SYTL3: variants seen among roughly 807,000 people sequenced by gnomAD.
The protein encoded by SYTL3 is synaptotagmin-like protein 3.
A neutral mutation model predicts 82.1 loss-of-function variants in SYTL3; 88 were observed. The observed-to-expected ratio is 1.07, with a 90% CI of 0.90 to 1.28. The LOEUF (loss-of-function observed/expected upper bound fraction) is 1.28. SYTL3 is among the 50% of genes most tolerant of loss of function. SYTL3 has a pLI of 0.00. For missense variants in SYTL3, 831 were observed against 757.6 expected, an observed-to-expected ratio of 1.10 and a Z score of -1.14; for synonymous variants, 311 against 289.4, an observed-to-expected ratio of 1.07 and a Z score of -0.76.
At chr6:158,655,278 C>G (rs1179550254) in intron 2 of SYTL3, among the ~76,000 whole-genome samples, 2 of 152,180 alleles carry the variant, frequency 1.3e-5, no homozygotes, top group Non-Finnish European at 2.9e-5. Flanking sequence ...GCCCCCTGCC[C>G]GTCCTTACTT....
chr6:158,760,691 C>T lies in SYTL3; in HGVS notation c.1360C>T (p.Arg454Trp), dbSNP rs140769430. The T allele has an allele frequency of 7.2e-4, 1,165 of 1,614,082 alleles. 8 individuals are homozygous for T. The highest frequency in any genetic ancestry group is 7.1e-3 in the Middle Eastern group (43 of 6,058). The change falls in exon 15 of 18, where the codon CGG becomes TGG. Residue 454 changes from arginine to tryptophan, a missense_variant. Transcript: ENST00000611299. ...VPQSNGELTV[R>W]AKLVLPSRPR... ...TCAGAGTAATGGAGAGCTCACAGTC[C>T]GGGCTAAGCTGGTTCTCCCTTCACG...
chr6:158,751,956 A>G lies in SYTL3; in HGVS notation c.1063A>G (p.Arg355Gly). 6.2e-7 allele frequency: 1 copy of G among 1,602,206 alleles called. No individual in the cohort carries two copies. The highest frequency in any genetic ancestry group is 8.5e-7 in the Non-Finnish European group (1 of 1,174,772). The change falls in exon 13 of 18, where the codon AGA (arginine) becomes GGA (glycine). Residue 355 changes from arginine (R) to glycine (G), a missense_variant. By Grantham distance (125) the Arg-to-Gly change is moderately radical (BLOSUM62 -2). Transcript: ENST00000611299. ...PYVKTYLLPD[R>G]SSQGKRKTGV... Reference sequence around the variant, plus strand: ...TGTGAAGACCTACCTGTTGCCCGACAGATCCTCCCAGGGAAAGCGCAAGAC... The same window carrying G: ...TGTGAAGACCTACCTGTTGCCCGACGGATCCTCCCAGGGAAAGCGCAAGAC...
In SYTL3 at chr6:158,665,433, G is replaced by C. The variant is rs541039427; in HGVS notation, c.149G>C (p.Gly50Ala). 3.1e-5 allele frequency: 50 copies of C among 1,607,082 alleles called. 1 individual carries two copies. The South Asian group carries it at 5.4e-4, about 17-fold the overall frequency. Residue 50 changes from glycine to alanine, a missense_variant, in exon 5 of 18, where the codon GGA (glycine) becomes GCA (alanine). Gly to Ala is a moderately conservative substitution (Grantham distance 60, BLOSUM62 0). Coordinates refer to ENST00000611299, the MANE Select transcript of SYTL3 (RefSeq NM_001242394.2). ...CACCTGCAGCATCTCCGGTGGAAAG[G>C]AGCGAAGAACACGGACTGGGAGCAC... Reference protein sequence around the residue: ...KTHLQHLRWKGAKNTDWEHKE... With the variant: ...KTHLQHLRWKAAKNTDWEHKE...
intron 9 of SYTL3, among the ~76,000 whole-genome samples, chr6:158,716,217 A>G (rs2128467292): frequency 6.6e-6 from 1 of 152,334 alleles, no homozygotes; most frequent in Middle Eastern, 3.4e-3. Flanking sequence ...CTTGCCCAGA[A>G]GCAATCTGCA....
At chr6:158,704,683 G>A (rs1290279742) in intron 6 of SYTL3, among the ~76,000 whole-genome samples, 1 of 152,282 alleles carries the variant, frequency 6.6e-6, no homozygotes, top group African/African-American at 2.4e-5. Context: ...ACGTGGGCCT[G>A]GACTTCAGAC....
chr6:158,713,970 T>A, intron 9 of SYTL3, 92 bp downstream of exon 9: 3 of 881,082 alleles, frequency 3.4e-6, no homozygotes, highest in Non-Finnish European at 5.5e-6. Context: ...CGGTTGACAC[T>A]GTCCCTCAGG....
intron 11 of SYTL3, among the ~76,000 whole-genome samples, chr6:158,743,598 CTTT>C (rs397887964): frequency 4.8e-5 from 3 of 63,078 alleles, no homozygotes; most frequent in African/African-American, 7.4e-5. Context: ...CCAGTCCAAG[CTTT>C]TTTTTTTTTT....
Position 158,689,293 on chromosome 6 carries a change from T to C in SYTL3, c.394+6304T>C, listed in dbSNP as rs555797348. ...AAAAATAAACCAACATGCAAACCAA[T>C]AGATAACTTTATCAGTTTGGCAAAA... On this transcript the variant is annotated intron_variant, in intron 6 of 17. Transcript: ENST00000611299. Among the ~76,000 whole-genome samples the C allele has an allele frequency of 2.0e-5, 3 of 152,328 alleles. No individual in the cohort carries two copies. In the South Asian group the frequency reaches 6.2e-4, roughly 32 times the overall value.
intron 6 of SYTL3, among the ~76,000 whole-genome samples, chr6:158,683,215 CT>C (rs35183958): frequency 0.13 from 11,847 of 92,632 alleles, 259 homozygotes; most frequent in South Asian, 0.17. Context: ...GGCCCTATTC[CT>C]TTTTTTTTTT....
chr6:158,682,697 G>A (rs1778850407), intron 5 of SYTL3, among the ~76,000 whole-genome samples: 1 of 152,150 alleles, frequency 6.6e-6, no homozygotes, highest in African/African-American at 2.4e-5. Context: ...CACATGACAT[G>A]CAAGATAAAA....
chr6:158,750,250 A>C (rs150977403), intron 12 of SYTL3, among the ~76,000 whole-genome samples: 79 of 152,334 alleles, frequency 5.2e-4, no homozygotes, highest in African/African-American at 1.7e-3. Context: ...CCATAAAGAA[A>C]ACCAAGGGGG....
intron 5 of SYTL3, among the ~76,000 whole-genome samples, chr6:158,672,655 T>C (rs952413732): frequency 6.6e-6 from 1 of 151,370 alleles, no homozygotes; most frequent in Non-Finnish European, 1.5e-5. Flanking sequence ...TTTTTGAGAC[T>C]GAGTCTCACT....
intron 6 of SYTL3, among the ~76,000 whole-genome samples, chr6:158,691,793 G>C (rs375280240): frequency 6.6e-6 from 1 of 150,396 alleles, no homozygotes; most frequent in African/African-American, 2.4e-5. Flanking sequence ...CTGGGACTAC[G>C]GGCACCTGTC....
intron 14 of SYTL3, among the ~76,000 whole-genome samples, chr6:158,759,152 A>G (rs1476773025): frequency 6.6e-6 from 1 of 152,194 alleles, no homozygotes; most frequent in Non-Finnish European, 1.5e-5. Context: ...ACAGGCGGCC[A>G]CCAGGCCTCA....
chr6:158,698,440 T>C (rs539425965), intron 6 of SYTL3, among the ~76,000 whole-genome samples: 5 of 150,544 alleles, frequency 3.3e-5, no homozygotes, highest in Non-Finnish European at 5.9e-5. Context: ...TCTAAAACCA[T>C]TTGTGACTGG....
intron 5 of SYTL3, among the ~76,000 whole-genome samples, chr6:158,681,606 AG>A (rs1778706265): frequency 6.6e-6 from 1 of 152,126 alleles, no homozygotes; most frequent in Admixed American, 6.6e-5. Context: ...TGAACCCACG[AG>A]GGGGAGATTG....
chr6:158,764,384 A>AG, intron 17 of SYTL3, 111 bp from the exon 18 acceptor site: 1 of 745,136 alleles, frequency 1.3e-6, no homozygotes, highest in South Asian at 1.7e-5. Context: ...TTGGCCTTTT[A>AG]ATGTGGACTT....
intron 17 of SYTL3, 94 bp downstream of exon 17, chr6:158,763,603 A>C (rs1194076727): frequency 1.7e-6 from 2 of 1,147,938 alleles, no homozygotes; most frequent in Non-Finnish European, 2.6e-6. Flanking sequence ...GCAGTGACTT[A>C]ACTGGTTTTG....
chr6:158,700,833 G>T (rs775651791), intron 6 of SYTL3, among the ~76,000 whole-genome samples: 2 of 151,964 alleles, frequency 1.3e-5, no homozygotes, highest in Admixed American at 1.3e-4. Context: ...AGCCAGGATG[G>T]TCTCGATCTC....
Sources: gnomAD v4.1 joint callset for allele counts (sites outside exome capture counted in the v4.1 genomes callset) on GRCh38, gnomAD v4.1.1 for gene constraint, MANE v1.5 for transcripts, NCBI Gene and HGNC (gene_info 2026-07-23, HGNC 2026-07-21) for gene names.